Variants in TRIM35 observed in about 807,000 individuals in gnomAD.
The protein encoded by TRIM35 is tripartite motif containing 35.
In TRIM35, 37 loss-of-function variants were observed where a neutral mutation model predicts 49.1. The ratio of observed to expected loss-of-function variants is 0.75; its 90% CI spans 0.58 to 0.99. The LOEUF (loss-of-function observed/expected upper bound fraction) is 0.99, where lower values mean the gene tolerates loss of function less well. Ranked by LOEUF, TRIM35 falls within the 50% of genes least tolerant of loss-of-function variation. The probability of loss-of-function intolerance (pLI) is 0.00; values close to 1 mark genes in which losing one functional copy is unlikely to be tolerated. For missense variants in TRIM35, 648 were observed against 702.7 expected (o/e 0.92, Z 0.88); for synonymous variants, 302 against 289.3 (o/e 1.04, Z -0.45).
intron 4 of TRIM35, 141 bp downstream of exon 4, chr8:27,290,015 C>A: frequency 1.1e-6 from 1 of 928,708 alleles, no homozygotes; most frequent in Non-Finnish European, 1.7e-6. Context: ...TCCACCTCTC[C>A]CTCTAAAACC....
chr8:27,288,178 C>G, intron 5 of TRIM35, 51 bp from the exon 6 acceptor site: 1 of 1,519,828 alleles, frequency 6.6e-7, no homozygotes, highest in South Asian at 1.2e-5. Context: ...GTCCCTTAGG[C>G]CACACGTGGA....
intron 2 of TRIM35, 123 bp from the exon 3 acceptor site, chr8:27,294,433 G>A: frequency 2.2e-6 from 2 of 898,872 alleles, no homozygotes; most frequent in African/African-American, 1.7e-5. Context: ...AACCCCTACA[G>A]ATAAAATATC....
At chr8:27,299,510 T>G (rs1052003171) in intron 1 of TRIM35, among the ~76,000 whole-genome samples, 16 of 152,186 alleles carry the variant, frequency 1.1e-4, no homozygotes, top group African/African-American at 3.6e-4. Context: ...GATGAGAAAG[T>G]GAGGCACAGA....
At chr8:27,290,127 C>G in intron 4 of TRIM35, 29 bp downstream of exon 4, 2 of 1,613,850 alleles carry the variant, frequency 1.2e-6, no homozygotes, top group Non-Finnish European at 1.7e-6. Context: ...CCACTCTTCC[C>G]CTCCCCTCCA....
chr8:27,305,266 C>T (rs974573534), intron 1 of TRIM35, among the ~76,000 whole-genome samples: 7 of 152,228 alleles, frequency 4.6e-5, no homozygotes, highest in Admixed American at 3.9e-4. Flanking sequence ...ATGCATGGAG[C>T]TTTCTTATGC....
chr8:27,298,737 A>T (rs1355674755), intron 1 of TRIM35, among the ~76,000 whole-genome samples, 178 bp from the exon 2 acceptor site: 1 of 152,212 alleles, frequency 6.6e-6, no homozygotes, highest in Non-Finnish European at 1.5e-5. Context: ...TAAGGTCCTG[A>T]TCCTGAATCA....
rs759373247 is a variant in TRIM35, at chr8:27,310,915, C to G, written c.321G>C (p.Gln107His). 6.2e-7 allele frequency: 1 copy of G among 1,612,784 alleles called. No individual in the cohort carries two copies. Among genetic ancestry groups the G allele is most frequent in the Non-Finnish European group, 8.5e-7 (1 of 1,179,844 alleles). ...FSRVCRLHRG[Q>H]LSLFCLEDKE... ...TGTCCTCGAGGCAGAAGAGGCTGAGCTGTCCGCGGTGCAGGCGGCAGACAC... is the reference window on the plus strand; with the variant it reads ...TGTCCTCGAGGCAGAAGAGGCTGAGGTGTCCGCGGTGCAGGCGGCAGACAC... The change falls in exon 1 of 6, where the codon CAG (glutamine) becomes CAC (histidine). Residue 107 changes from glutamine to histidine, a missense_variant. Physicochemically the swap from Gln to His is conservative, Grantham distance 24 (BLOSUM62 0). Coordinates refer to ENST00000305364, the MANE Select transcript of TRIM35 (RefSeq NM_171982.5).
At position 27,294,392 on chromosome 8, in the gene TRIM35, G is replaced by A. The variant is rs1052069461; in HGVS notation, c.532-82C>T. The A allele has an allele frequency of 1.1e-5, 15 of 1,306,310 alleles. No homozygotes were observed. The African/African-American group carries it at 2.1e-4, about 18-fold the overall frequency. The allele number at this position is 1,306,310 out of a possible 1,614,324, so 80.9% of individuals were successfully genotyped here. A position where few individuals can be genotyped will look rare whatever the true frequency, so the allele number is the denominator to read the frequency against. Reference sequence around the variant, plus strand: ...CAGCAACTTTCCCATTTTTAGCAAAGGAAATTTATGTTCAAATAAATCATG... The same window carrying A: ...CAGCAACTTTCCCATTTTTAGCAAAAGAAATTTATGTTCAAATAAATCATG... On this transcript the variant is annotated intron_variant, in intron 2 of 5. Coordinates refer to ENST00000305364, the MANE Select transcript of TRIM35 (RefSeq NM_171982.5).
chr8:27,286,622 G>A lies in TRIM35; in HGVS notation c.*928C>T, dbSNP rs1802326300. 2 of 182,044 alleles carry A rather than the reference G, an allele frequency of 1.1e-5. No homozygotes were observed. Among genetic ancestry groups the A allele is most frequent in the African/African-American group, 4.8e-5 (2 of 41,980 alleles). The allele number at this position is 182,044 out of a possible 1,614,324, so 11.3% of individuals were successfully genotyped here. A position where few individuals can be genotyped will look rare whatever the true frequency, so the allele number is the denominator to read the frequency against. On this transcript the variant is annotated 3_prime_UTR_variant, in exon 6 of 6. Coordinates refer to ENST00000305364, the MANE Select transcript of TRIM35 (RefSeq NM_171982.5). The stretch of plus-strand genomic sequence containing the variant: ...TAAGTACTCTGGAACCCTGTGTTCA[G>A]AGGAAATCGTGCAAGAATAGATCAA...
intron 1 of TRIM35, among the ~76,000 whole-genome samples, chr8:27,310,529 C>T (rs1299312072): frequency 5.3e-5 from 8 of 152,284 alleles, no homozygotes; most frequent in Non-Finnish European, 4.4e-5. Flanking sequence ...GGCCTGGGCC[C>T]TTCAGAAGCA....
At chr8:27,298,674 A>C in intron 1 of TRIM35, 115 bp from the exon 2 acceptor site, 1 of 840,222 alleles carries the variant, frequency 1.2e-6, no homozygotes, top group Non-Finnish European at 2.0e-6. Flanking sequence ...GTGTAACTCA[A>C]CTGCATTTGC....
At chr8:27,304,724 G>C (rs1185630677) in intron 1 of TRIM35, 4 of 414,556 alleles carry the variant, frequency 9.6e-6, no homozygotes, top group Non-Finnish European at 1.9e-5. Context: ...CCCAGTCAAT[G>C]AGTACATGGA....
intron 1 of TRIM35, among the ~76,000 whole-genome samples, chr8:27,305,344 C>T (rs1802761943): frequency 6.6e-6 from 1 of 152,258 alleles, no homozygotes; most frequent in African/African-American, 2.4e-5. Context: ...AAGCAAGTGT[C>T]TGCCATGCAG....
At chr8:27,299,531 C>G (rs1334649373) in intron 1 of TRIM35, among the ~76,000 whole-genome samples, 4 of 152,180 alleles carry the variant, frequency 2.6e-5, no homozygotes, top group Non-Finnish European at 4.4e-5. Context: ...AGGGAAATGA[C>G]CAGCCCAAGG....
chr8:27,300,132 C>T (rs908228474), intron 1 of TRIM35, among the ~76,000 whole-genome samples: 2 of 152,182 alleles, frequency 1.3e-5, no homozygotes, highest in Non-Finnish European at 2.9e-5. Flanking sequence ...GACCTACAGC[C>T]AGTGAGGGAC....
intron 1 of TRIM35, among the ~76,000 whole-genome samples, chr8:27,307,681 G>A (rs1007831318): frequency 9.2e-5 from 14 of 152,184 alleles, no homozygotes; most frequent in Non-Finnish European, 1.5e-4. Context: ...AGTCTGAGAT[G>A]AGAGAAACCT....
chr8:27,300,387 G>A (rs1284278529), intron 1 of TRIM35, among the ~76,000 whole-genome samples: 1 of 149,414 alleles, frequency 6.7e-6, no homozygotes, highest in Non-Finnish European at 1.5e-5. Context: ...CAATTTGCTA[G>A]GAAATAGAGA....
chr8:27,303,789 A>C (rs562767185), intron 1 of TRIM35, among the ~76,000 whole-genome samples: 1 of 152,054 alleles, frequency 6.6e-6, no homozygotes, highest in Non-Finnish European at 1.5e-5. Flanking sequence ...TGTCTCCCAG[A>C]TTCAAGCAAT....
At chr8:27,304,631 C>T in intron 1 of TRIM35, 1 of 346,054 alleles carries the variant, frequency 2.9e-6, no homozygotes, top group Non-Finnish European at 5.6e-6. Flanking sequence ...AGAAGGAATG[C>T]TTGCTCTGCA....
Sources: gnomAD v4.1 joint callset for allele counts (sites outside exome capture counted in the v4.1 genomes callset) on GRCh38, gnomAD v4.1.1 for gene constraint, MANE v1.5 for transcripts, NCBI Gene and HGNC (gene_info 2026-07-23, HGNC 2026-07-21) for gene names.